SIM1: variants seen among roughly 807,000 people sequenced by gnomAD.
SIM1 encodes single-minded homolog 1.
In SIM1, 18 loss-of-function variants were observed where a neutral mutation model predicts 78.2. That is an observed-to-expected ratio of 0.23 (90% CI 0.16 to 0.34). The LOEUF (loss-of-function observed/expected upper bound fraction) is 0.34, where lower values mean the gene tolerates loss of function less well. Ranked by LOEUF, SIM1 falls within the 10% of genes least tolerant of loss-of-function variation. The pLI, the probability that SIM1 is intolerant of heterozygous loss-of-function variation, is 1.00. For synonymous variants in SIM1, 417 were observed against 385.2 expected (o/e 1.08, Z -0.97); for missense variants, 939 against 975.1 (o/e 0.96, Z 0.49).
At chr6:100,430,044 G>A (rs749965867) in intron 9 of SIM1, among the ~76,000 whole-genome samples, 8 of 151,846 alleles carry the variant, frequency 5.3e-5, no homozygotes, top group East Asian at 1.9e-4. Flanking sequence ...TTCCTTCTTA[G>A]GAGAATATAA....
At chr6:100,401,967 C>T (rs1281769468) in intron 10 of SIM1, among the ~76,000 whole-genome samples, 2 of 152,146 alleles carry the variant, frequency 1.3e-5, no homozygotes, top group Non-Finnish European at 2.9e-5. Context: ...TGGGCGTATC[C>T]TCATCTACTG....
intron 3 of SIM1, 43 bp from the exon 4 acceptor site, chr6:100,450,399 A>T (rs1562255999): frequency 1.9e-6 from 3 of 1,546,098 alleles, no homozygotes; most frequent in Non-Finnish European, 2.7e-6. Flanking sequence ...CCTCTGGGCC[A>T]TCTGGAGAAA....
At chr6:100,406,813 A>ATTGT (rs142469255) in intron 10 of SIM1, among the ~76,000 whole-genome samples, 5 of 152,260 alleles carry the variant, frequency 3.3e-5, no homozygotes, top group Admixed American at 1.3e-4. Context: ...GTCACCTCAC[A>ATTGT]TCGTTACCTT....
chr6:100,460,760 C>T (rs780755676), intron 2 of SIM1, among the ~76,000 whole-genome samples: 95 of 152,288 alleles, frequency 6.2e-4, no homozygotes, highest in Admixed American at 2.2e-3. Flanking sequence ...ATAGGTTGTG[C>T]CTGGTCTTGC....
At chr6:100,422,729 G>T (rs1490977193) in intron 9 of SIM1, among the ~76,000 whole-genome samples, 3 of 151,866 alleles carry the variant, frequency 2.0e-5, no homozygotes, top group Non-Finnish European at 4.4e-5. Context: ...GAATATATGA[G>T]GTAATGCACA....
At chr6:100,395,274 AT>A (rs1770741250) in intron 10 of SIM1, among the ~76,000 whole-genome samples, 1 of 152,094 alleles carries the variant, frequency 6.6e-6, no homozygotes. Flanking sequence ...TTCCATATAC[AT>A]TTTGTCATTT....
In SIM1 at chr6:100,385,712, A is replaced by G. The variant is rs934489323; in HGVS notation, c.*4649T>C. 1.1e-5 allele frequency: 1 copy of G among 88,018 alleles called. No homozygotes were observed. Among genetic ancestry groups the G allele is most frequent in the African/African-American group, 4.6e-5 (1 of 21,970 alleles). 5.5% of individuals were successfully genotyped at this position (88,018 alleles called of 1,614,324 possible). On this transcript the variant is annotated 3_prime_UTR_variant, in exon 12 of 12. Transcript: ENST00000369208. ...GTGTGTGTGTGTGTGTGTGTGTGTT[A>G]TAATTGGATATGGCACATTTTCATG...
chr6:100,452,221 G>A (rs189554715), intron 3 of SIM1, among the ~76,000 whole-genome samples: 5 of 152,224 alleles, frequency 3.3e-5, no homozygotes, highest in East Asian at 1.9e-4. Context: ...TTCTCAGTGC[G>A]GCCCTCTCCA....
intron 9 of SIM1, among the ~76,000 whole-genome samples, chr6:100,422,228 G>C (rs1771610056): frequency 6.6e-6 from 1 of 151,866 alleles, no homozygotes; most frequent in Non-Finnish European, 1.5e-5. Context: ...TTTAAGAGAA[G>C]TGTCTCACTC....
intron 6 of SIM1, 27 bp downstream of exon 6, chr6:100,449,336 C>T: frequency 6.2e-7 from 1 of 1,601,960 alleles, no homozygotes; most frequent in Non-Finnish European, 8.5e-7. Flanking sequence ...TCTGACTCCA[C>T]CCGGAGCGGA....
chr6:100,400,948 G>T (rs1462510614), intron 10 of SIM1, among the ~76,000 whole-genome samples: 2 of 151,614 alleles, frequency 1.3e-5, no homozygotes, highest in African/African-American at 4.8e-5. Flanking sequence ...GGTCTTAAAG[G>T]GTTTCCCCAC....
In SIM1 at chr6:100,390,953, G is replaced by A; in HGVS notation, c.1709C>T (p.Ala570Val). 6.2e-7 allele frequency: 1 copy of A among 1,614,086 alleles called. No homozygotes were observed. Among genetic ancestry groups the A allele is most frequent in the Non-Finnish European group, 8.5e-7 (1 of 1,180,016 alleles). Reference protein sequence around the residue: ...EPSKIETLIRATQQMIKEEEN... With the variant: ...EPSKIETLIRVTQQMIKEEEN... The stretch of plus-strand genomic sequence containing the variant: ...TTCTTCTTTAATCATTTGCTGAGTG[G>A]CTCTTATAAGAGTTTCAATTTTGCT... The change falls in exon 12 of 12, where the codon GCC (alanine) becomes GTC (valine). Residue 570 changes from alanine to valine, a missense_variant. This residue lies in a region of SIM1 where 556 missense variants were observed against 521.9 expected (regional missense o/e 1.07). Transcript: ENST00000369208.
chr6:100,448,360 AG>A, intron 7 of SIM1, 108 bp from the exon 8 acceptor site: 1 of 1,383,436 alleles, frequency 7.2e-7, no homozygotes, highest in South Asian at 1.3e-5. Flanking sequence ...CTCACTTTCC[AG>A]GGCCGATTCA....
intron 10 of SIM1, among the ~76,000 whole-genome samples, chr6:100,420,370 C>A (rs1366290943): frequency 2.6e-5 from 4 of 152,132 alleles, no homozygotes; most frequent in Admixed American, 1.3e-4. Context: ...GAACATGCAT[C>A]CTTGATCCTT....
intron 10 of SIM1, among the ~76,000 whole-genome samples, chr6:100,413,150 G>A (rs1045891998): frequency 4.6e-5 from 7 of 152,188 alleles, no homozygotes; most frequent in Admixed American, 1.3e-4. Flanking sequence ...GTGTTTTAAC[G>A]ATGTTTACAT....
Position 100,422,306 on chromosome 6 carries a change from C to G in SIM1, c.999-1348G>C, listed in dbSNP as rs561634189. On this transcript the variant is annotated intron_variant, in intron 9 of 11. Coordinates refer to ENST00000369208, the MANE Select transcript of SIM1 (RefSeq NM_005068.3). ...GCAGCCTCCACCTCTTGGGTTCAAG[C>G]GATTTTCTTGCCTCAGCCTCCCGAG... 3.3e-5 allele frequency among the ~76,000 whole-genome samples: 5 copies of G among 152,154 alleles called. No individual in the cohort carries two copies. In the East Asian group the frequency reaches 9.7e-4, roughly 29 times the overall value.
chr6:100,401,995 T>G (rs959264087), intron 10 of SIM1, among the ~76,000 whole-genome samples: 5 of 152,226 alleles, frequency 3.3e-5, no homozygotes, highest in African/African-American at 1.2e-4. Flanking sequence ...ATATGACTTG[T>G]GCAAAGGATC....
Position 100,424,066 on chromosome 6 carries a change from C to G in SIM1, c.999-3108G>C, listed in dbSNP as rs73760889. The stretch of plus-strand genomic sequence containing the variant: ...CTTGCACACTTTCAGACCCCACCCC[C>G]CTCCCACCCCCCGCCCAGGGTACGC... On this transcript the variant is annotated intron_variant, in intron 9 of 11. Transcript: ENST00000369208. Among the ~76,000 whole-genome samples the G allele has an allele frequency of 6.0e-3, 765 of 128,474 alleles. 8 individuals are homozygous for G. Among genetic ancestry groups the G allele is most frequent in the African/African-American group, 0.021 (728 of 35,294 alleles). 84.3% of individuals were successfully genotyped at this position (128,474 alleles called of 152,430 possible).
chr6:100,458,651 A>G (rs944498912), intron 2 of SIM1, among the ~76,000 whole-genome samples: 2 of 152,136 alleles, frequency 1.3e-5, no homozygotes, highest in Non-Finnish European at 2.9e-5. Flanking sequence ...GCCACCGCGG[A>G]CAGAGGATGG....
Sources: gnomAD v4.1 joint callset for allele counts (sites outside exome capture counted in the v4.1 genomes callset) on GRCh38, gnomAD v4.1.1 for gene constraint, gnomAD v4.1.1 regional missense constraint, MANE v1.5 for transcripts, NCBI Gene and HGNC (gene_info 2026-07-23, HGNC 2026-07-21) for gene names.